Variants in CPXM2 observed in about 807,000 individuals in gnomAD.
CPXM2 encodes inactive carboxypeptidase-like protein X2.
CPXM2 carries 66 observed loss-of-function variants against 86.1 expected under a neutral mutation model. The ratio of observed to expected loss-of-function variants is 0.77; its 90% CI spans 0.63 to 0.94. The LOEUF is 0.94. CPXM2 is among the 40% of genes least tolerant of loss of function. The probability of loss-of-function intolerance (pLI) is 0.00; values close to 1 mark genes in which losing one functional copy is unlikely to be tolerated. For missense variants in CPXM2, 948 were observed against 1,026.3 expected, an observed-to-expected ratio of 0.92 and a Z score of 1.04; for synonymous variants, 388 against 400.2, an observed-to-expected ratio of 0.97 and a Z score of 0.36.
chr10:123,889,554 G>C (rs1945233533), intron 1 of CPXM2, among the ~76,000 whole-genome samples: 2 of 152,206 alleles, frequency 1.3e-5, no homozygotes, highest in Non-Finnish European at 2.9e-5. Flanking sequence ...CAGGTTCTTG[G>C]TAACGGCCTG....
At position 123,794,839 on chromosome 10, in the gene CPXM2, C is replaced by T. The variant is rs377221394; in HGVS notation, c.889+3137G>A. ...AGACTGGAGTGCAGTGGTGCGATCT[C>T]GGCTCACTGCGACCTCACCTCCTGG... On this transcript the variant is annotated intron_variant, in intron 6 of 13. Transcript: ENST00000241305. Among the ~76,000 whole-genome samples, 5 of 151,850 alleles carry T rather than the reference C, an allele frequency of 3.3e-5. No homozygotes were observed. The East Asian group carries it at 9.7e-4, about 29-fold the overall frequency.
intron 2 of CPXM2, among the ~76,000 whole-genome samples, chr10:123,905,992 A>G (rs956804956): frequency 6.6e-6 from 1 of 151,616 alleles, no homozygotes; most frequent in South Asian, 2.1e-4. Flanking sequence ...CGGTCTGTCC[A>G]CTCTTCCTTC....
intron 4 of CPXM2, among the ~76,000 whole-genome samples, chr10:123,819,848 T>C (rs536312895): frequency 2.0e-5 from 3 of 152,334 alleles, no homozygotes; most frequent in South Asian, 2.1e-4. Context: ...ATGCAAAGTA[T>C]TGATCCTGGG....
upstream of CPXM2, among the ~76,000 whole-genome samples, chr10:123,895,112 CTTTTTTTTCTTTTT>C (rs1182946729): frequency 5.3e-4 from 59 of 111,726 alleles, no homozygotes; most frequent in East Asian, 0.015. Context: ...TTTTTTTTTT[CTTTTTTTTCTTTTT>C]TTTTTTTTTT....
At chr10:123,940,787 G>C (rs561114559), upstream of CPXM2, among the ~76,000 whole-genome samples, 1 of 152,194 alleles carries the variant, frequency 6.6e-6, no homozygotes, top group Non-Finnish European at 1.5e-5. Flanking sequence ...GACAAGCCTG[G>C]TGCTTCTTCC....
At chr10:123,776,334 C>T (rs1202361455) in intron 7 of CPXM2, among the ~76,000 whole-genome samples, 2 of 152,192 alleles carry the variant, frequency 1.3e-5, no homozygotes, top group Non-Finnish European at 2.9e-5. Flanking sequence ...CTCTTCAAGA[C>T]TCTGTTTTCC....
chr10:123,919,103 A>AT lies in CPXM2; in HGVS notation n.174+20373dup, dbSNP rs1240756449. Among the ~76,000 whole-genome samples, 4 of 87,544 alleles carry AT rather than the reference A, an allele frequency of 4.6e-5. No homozygotes were observed. In the East Asian group the frequency reaches 1.1e-3, roughly 23 times the overall value. The allele number at this position is 87,544 out of a possible 152,430, so 57.4% of individuals were successfully genotyped here. A position where few individuals can be genotyped will look rare whatever the true frequency, so the allele number is the denominator to read the frequency against. On this transcript the variant is annotated intron_variant and non_coding_transcript_variant, in intron 2 of 19. Transcript: ENST00000368854. ...ACGTATGGAACTGACATAAAGTAGC[A>AT]TAGACAAGGCTTTGAGAATTTAACT...
chr10:123,886,738 A>T (rs1334086544), intron 1 of CPXM2, among the ~76,000 whole-genome samples: 1 of 152,204 alleles, frequency 6.6e-6, no homozygotes, highest in Non-Finnish European at 1.5e-5. Flanking sequence ...GAGAGAAATA[A>T]ATAAAATCTT....
chr10:123,867,527 C>CTTTTTTTTTT (rs34482126), intron 2 of CPXM2, among the ~76,000 whole-genome samples: 3 of 92,926 alleles, frequency 3.2e-5, no homozygotes, highest in African/African-American at 1.3e-4. Flanking sequence ...AGATTTCTTT[C>CTTTTTTTTTT]TTTTTTTTTT....
chr10:123,746,597 C>T lies in CPXM2; in HGVS notation c.*167G>A, dbSNP rs756124465. 6.1e-6 allele frequency: 4 copies of T among 656,864 alleles called. No homozygotes were observed. Among genetic ancestry groups the T allele is most frequent in the Non-Finnish European group, 1.0e-5 (4 of 385,858 alleles). 40.7% of individuals were successfully genotyped at this position (656,864 alleles called of 1,614,324 possible). On this transcript the variant is annotated 3_prime_UTR_variant, in exon 14 of 14. Transcript: ENST00000241305. Reference sequence around the variant, plus strand: ...AATGGGAACAAAGAAAAGAAAACAGCCTCAGCCTCCAGCCTTCCCTTTTGG... The same window carrying T: ...AATGGGAACAAAGAAAAGAAAACAGTCTCAGCCTCCAGCCTTCCCTTTTGG...
intron 13 of CPXM2, among the ~76,000 whole-genome samples, chr10:123,748,072 A>C (rs1332795659): frequency 6.6e-6 from 1 of 152,108 alleles, no homozygotes; most frequent in East Asian, 1.9e-4. Context: ...AACACCACCC[A>C]CACGCAAAAA....
chr10:123,877,886 G>T (rs1236391723), intron 2 of CPXM2, among the ~76,000 whole-genome samples: 1 of 152,186 alleles, frequency 6.6e-6, no homozygotes, highest in Admixed American at 6.5e-5. Context: ...TTCTACATCT[G>T]AGATGAGCCT....
At chr10:123,821,981 A>G (rs1847933934) in intron 4 of CPXM2, among the ~76,000 whole-genome samples, 1 of 152,220 alleles carries the variant, frequency 6.6e-6, no homozygotes, top group African/African-American at 2.4e-5. Context: ...AACATTTTAA[A>G]CACCAGAATA....
chr10:123,823,953 A>C (rs1847987277), intron 4 of CPXM2, among the ~76,000 whole-genome samples: 1 of 152,202 alleles, frequency 6.6e-6, no homozygotes, highest in Non-Finnish European at 1.5e-5. Context: ...GGCCTTTTAA[A>C]CTACAAAATA....
At chr10:123,759,027 C>T (rs1288274257) in intron 11 of CPXM2, among the ~76,000 whole-genome samples, 1 of 152,170 alleles carries the variant, frequency 6.6e-6, no homozygotes, top group Admixed American at 6.5e-5. Context: ...CAGATTCGAA[C>T]CTTTCACACG....
At chr10:123,748,366 A>T (rs780778100) in intron 13 of CPXM2, among the ~76,000 whole-genome samples, 16 of 152,250 alleles carry the variant, frequency 1.1e-4, no homozygotes, top group Middle Eastern at 3.4e-3. Flanking sequence ...CTTCTAACGG[A>T]TGGAAGAAAA....
chr10:123,859,986 C>T (rs1041542596), intron 3 of CPXM2, among the ~76,000 whole-genome samples: 3 of 152,158 alleles, frequency 2.0e-5, no homozygotes, highest in Non-Finnish European at 4.4e-5. Flanking sequence ...GCCAGGTCTC[C>T]GTCCATATCC....
intron 4 of CPXM2, among the ~76,000 whole-genome samples, chr10:123,828,497 G>C (rs1848093533): frequency 6.6e-6 from 1 of 152,216 alleles, no homozygotes; most frequent in African/African-American, 2.4e-5. Flanking sequence ...GAGATCTGAT[G>C]GTTTTATAAA....
intron 6 of CPXM2, among the ~76,000 whole-genome samples, chr10:123,792,538 G>A (rs112667806): frequency 1.4e-4 from 21 of 152,206 alleles, no homozygotes; most frequent in African/African-American, 4.3e-4. Context: ...GGAAGCCAGG[G>A]GACAGCAGAG....
Sources: gnomAD v4.1 joint callset for allele counts (sites outside exome capture counted in the v4.1 genomes callset) on GRCh38, gnomAD v4.1.1 for gene constraint, MANE v1.5 for transcripts, NCBI Gene and HGNC (gene_info 2026-07-23, HGNC 2026-07-21) for gene names.